The following SCAF1 variants were observed in gnomAD, a reference collection of about 807,000 sequenced individuals.
SCAF1 encodes the protein SR-related CTD associated factor 1.
In SCAF1, 28 loss-of-function variants were observed where a neutral mutation model predicts 91.2. The observed-to-expected ratio is 0.31, with a 90% CI of 0.23 to 0.42. The LOEUF is 0.42. Among genes scored for constraint, SCAF1 ranks in the 10% least tolerant of loss-of-function variants. The pLI, the probability that SCAF1 is intolerant of heterozygous loss-of-function variation, is 1.00. For missense variants in SCAF1, 1,893 were observed against 1,872.1 expected, an observed-to-expected ratio of 1.01 and a Z score of -0.21; for synonymous variants, 1,036 against 833.7, an observed-to-expected ratio of 1.24 and a Z score of -4.18.
rs1022944330 is a variant in SCAF1, at chr19:49,646,215, AG to A, written c.261+18del. The A allele has an allele frequency of 1.8e-5, 24 of 1,334,900 alleles. No homozygotes were observed. Among genetic ancestry groups the A allele is most frequent in the Non-Finnish European group, 2.3e-5 (24 of 1,022,926 alleles). The allele number at this position is 1,334,900 out of a possible 1,614,324, so 82.7% of individuals were successfully genotyped here. On this transcript the variant is annotated intron_variant, in intron 4 of 10. Transcript: ENST00000360565. This position sits in a 1 kb window ranked among gnomAD's most constrained non-coding sequence, Gnocchi z 5.6. ...TGACACGGCTACTGTGAGTAAGAAG[AG>A]GGGGCTGGGGGCCTGGCTCACGGGT...
rs375947171 is a variant in SCAF1 at position 49,652,791 on chromosome 19, C to T, written c.2402C>T (p.Ser801Leu). 14 of 1,613,398 alleles carry T rather than the reference C, an allele frequency of 8.7e-6. No individual in the cohort carries two copies. Among genetic ancestry groups the T allele is most frequent in the East Asian group, 2.2e-5 (1 of 44,876 alleles). ...SSKKARPPKE[S>L]APSSGPPPKP... ...AAGAAGGCCCGGCCCCCCAAGGAGT[C>T]GGCGCCTTCCTCAGGGCCCCCGCCA... Residue 801 changes from serine to leucine, a missense_variant, in exon 7 of 11, where the codon TCG becomes TTG. Physicochemically the swap from Ser to Leu is moderately radical, Grantham distance 145. Transcript: ENST00000360565.
chr19:49,645,274 G>A lies in SCAF1; in HGVS notation c.109-80G>A. The stretch of plus-strand genomic sequence containing the variant: ...CTTGAGTCTAGCTGTCAGTGTCTGG[G>A]ATGTCTGTCTCCCAAGGGGCAGAGG... On this transcript the variant is annotated intron_variant, in intron 2 of 10. Transcript: ENST00000360565. This position sits in a 1 kb window ranked among gnomAD's most constrained non-coding sequence, Gnocchi z 4.6. 1.9e-6 allele frequency: 3 copies of A among 1,547,410 alleles called. No homozygotes were observed. The highest frequency in any genetic ancestry group is 3.4e-5 in the Admixed American group (2 of 58,964).
Position 49,651,310 on chromosome 19 carries a change from C to T in SCAF1, c.921C>T (p.Asp307=), listed in dbSNP as rs914985800. The T allele has an allele frequency of 9.9e-6, 16 of 1,610,766 alleles. No individual in the cohort carries two copies. The highest frequency in any genetic ancestry group is 1.4e-5 in the Non-Finnish European group (16 of 1,179,864). ...AGACCCTGGCGGGCATCTACGATGA[C>T]AACAGCCTGAGCCAGGACTTCCCAG... ...ISETLAGIYD[D]NSLSQDFPGD... The change falls in exon 7 of 11, where the codon GAC becomes GAT. Residue 307 remains aspartate (D), a synonymous_variant. Transcript: ENST00000360565.
rs1457334829 is a variant in SCAF1 at position 49,650,928 on chromosome 19, G to C, written c.539G>C (p.Gly180Ala). ...TCARHLTLGT[G>A]DGGPAPPPAP... ...GCCCGTCACCTCACCTTGGGCACGGGAGACGGGGGCCCTGCCCCACCCCCT... is the reference window on the plus strand; with the variant it reads ...GCCCGTCACCTCACCTTGGGCACGGCAGACGGGGGCCCTGCCCCACCCCCT... The change falls in exon 7 of 11, where the codon GGA (glycine) becomes GCA (alanine). Residue 180 changes from glycine (G) to alanine (A), a missense_variant. Coordinates refer to ENST00000360565, the MANE Select transcript of SCAF1 (RefSeq NM_021228.3). The C allele has an allele frequency of 6.2e-7, 1 of 1,606,512 alleles. No homozygotes were observed. Among genetic ancestry groups the C allele is most frequent in the Non-Finnish European group, 8.5e-7 (1 of 1,176,344 alleles).
At chr19:49,647,780 A>G (rs2081063782) in intron 6 of SCAF1, among the ~76,000 whole-genome samples, 2 of 151,256 alleles carry the variant, frequency 1.3e-5, no homozygotes, top group South Asian at 2.1e-4. Context: ...TACAAGGTGC[A>G]TGCCACCACA....
chr19:49,651,920 G>C lies in SCAF1; in HGVS notation c.1531G>C (p.Ala511Pro). 1 of 1,158,918 alleles carries C rather than the reference G, an allele frequency of 8.6e-7. No individual in the cohort carries two copies. Among genetic ancestry groups the C allele is most frequent in the Non-Finnish European group, 1.1e-6 (1 of 936,568 alleles). The allele number at this position is 1,158,918 out of a possible 1,614,324, so 71.8% of individuals were successfully genotyped here. A position where few individuals can be genotyped will look rare whatever the true frequency, so the allele number is the denominator to read the frequency against. The change falls in exon 7 of 11, where the codon GCT (alanine) becomes CCT (proline). Residue 511 changes from alanine (A) to proline (P), a missense_variant. Ala to Pro is a conservative substitution (Grantham distance 27). Coordinates refer to ENST00000360565, the MANE Select transcript of SCAF1 (RefSeq NM_021228.3). ...GCCCGCGCCCGCCCCGGCCGCCGCTGCTGGTCCGCCCACGCGCAAGAAGTC... is the reference window on the plus strand; with the variant it reads ...GCCCGCGCCCGCCCCGGCCGCCGCTCCTGGTCCGCCCACGCGCAAGAAGTC... ...PAPAPAPAAA[A>P]GPPTRKKSRR...
Position 49,652,023 on chromosome 19 carries a change from C to G in SCAF1, c.1634C>G (p.Ala545Gly). Residue 545 changes from alanine to glycine, a missense_variant, in exon 7 of 11, where the codon GCC (alanine) becomes GGC (glycine). Physicochemically the swap from Ala to Gly is moderately conservative, Grantham distance 60 (BLOSUM62 0). Transcript: ENST00000360565. ...SSSGTQPAPP[A>G]PASPWDSKKH... is the part of the protein sequence containing the mutation. Reference sequence around the variant, plus strand: ...TCGGGCACCCAGCCAGCGCCGCCCGCCCCGGCCTCGCCCTGGGACTCCAAG... The same window carrying G: ...TCGGGCACCCAGCCAGCGCCGCCCGGCCCGGCCTCGCCCTGGGACTCCAAG... 8.2e-7 allele frequency: 1 copy of G among 1,221,242 alleles called. No homozygotes were observed. Among genetic ancestry groups the G allele is most frequent in the Non-Finnish European group, 1.0e-6 (1 of 969,822 alleles). The allele number at this position is 1,221,242 out of a possible 1,614,324, so 75.7% of individuals were successfully genotyped here.
In SCAF1 at chr19:49,651,402, A is replaced by G; in HGVS notation, c.1013A>G (p.Gln338Arg). The G allele has an allele frequency of 6.2e-7, 1 of 1,606,784 alleles. No individual in the cohort carries two copies. Among genetic ancestry groups the G allele is most frequent in the South Asian group, 1.1e-5 (1 of 90,640 alleles). ...QPTPAPGTPP[Q>R]VDSTRADGAM... Reference sequence around the variant, plus strand: ...ACTCCCGCCCCTGGAACGCCGCCCCAGGTGGACTCCACCCGGGCTGATGGA... The same window carrying G: ...ACTCCCGCCCCTGGAACGCCGCCCCGGGTGGACTCCACCCGGGCTGATGGA... Residue 338 changes from glutamine (Q) to arginine (R), a missense_variant, in exon 7 of 11, where the codon CAG (glutamine) becomes CGG (arginine). Transcript: ENST00000360565.
In SCAF1 at chr19:49,645,190, C is replaced by T. The variant is rs549399513; in HGVS notation, c.108+56C>T. ...ATGGAGGAGCTGGGCATCCACACTC[C>T]AGGGGCCTGACTCCAGGGCCTGAGG... On this transcript the variant is annotated intron_variant, in intron 2 of 10. Coordinates refer to ENST00000360565, the MANE Select transcript of SCAF1 (RefSeq NM_021228.3). The surrounding 1 kb of genome is among the most constrained non-coding windows in gnomAD (Gnocchi z 4.6). 1.0e-4 allele frequency: 157 copies of T among 1,554,256 alleles called. 4 individuals carry two copies. The South Asian group carries it at 1.5e-3, about 15-fold the overall frequency.
intron 1 of SCAF1, among the ~76,000 whole-genome samples, chr19:49,644,188 G>C (rs1390578748): frequency 6.6e-6 from 1 of 152,156 alleles, no homozygotes; most frequent in East Asian, 1.9e-4. Context: ...ATTGTCTTAT[G>C]AGTAGCAGAT....
Position 49,658,413 on chromosome 19 carries a change from C to G in SCAF1, c.*14C>G. ...CCCCCTCTCTGAGAGCCCTGGCCAGCTCTTCGCCCCTCACCTCTTTGAAAC... is the reference window on the plus strand; with the variant it reads ...CCCCCTCTCTGAGAGCCCTGGCCAGGTCTTCGCCCCTCACCTCTTTGAAAC... On this transcript the variant is annotated 3_prime_UTR_variant, in exon 11 of 11. Transcript: ENST00000360565. The G allele has an allele frequency of 6.8e-7, 1 of 1,463,718 alleles. No individual in the cohort carries two copies. Among genetic ancestry groups the G allele is most frequent in the Non-Finnish European group, 9.2e-7 (1 of 1,085,072 alleles). The allele number at this position is 1,463,718 out of a possible 1,614,324, so 90.7% of individuals were successfully genotyped here.
chr19:49,642,603 T>G lies in SCAF1; in HGVS notation c.-7+361T>G, dbSNP rs2122441306. 1 of 152,352 alleles carries G rather than the reference T, an allele frequency of 6.6e-6. No individual in the cohort carries two copies. Among genetic ancestry groups the G allele is most frequent in the South Asian group, 2.1e-4 (1 of 4,838 alleles). The allele number at this position is 152,352 out of a possible 1,614,324, so 9.4% of individuals were successfully genotyped here. On this transcript the variant is annotated intron_variant, in intron 1 of 10. Coordinates refer to ENST00000360565, the MANE Select transcript of SCAF1 (RefSeq NM_021228.3). This position sits in a 1 kb window ranked among gnomAD's most constrained non-coding sequence, Gnocchi z 4.0. ...GGGCTGACCGGAGGCTAGGGTCTGGTTAGAGGGTTCTGGGGCCATCTTGAG... is the reference window on the plus strand; with the variant it reads ...GGGCTGACCGGAGGCTAGGGTCTGGGTAGAGGGTTCTGGGGCCATCTTGAG...
chr19:49,645,431 CT>C lies in SCAF1; in HGVS notation c.166+24del. The C allele has an allele frequency of 6.2e-7, 1 of 1,608,388 alleles. No individual in the cohort carries two copies. The highest frequency in any genetic ancestry group is 8.5e-7 in the Non-Finnish European group (1 of 1,177,194). ...ATAAAGGTATGGCGGCTTCCGGTTC[CT>C]TTTAGCCCCTGCCCCCTCTCTGCAT... is the stretch of plus-strand genomic sequence containing the variant. On this transcript the variant is annotated intron_variant, in intron 3 of 10. Coordinates refer to ENST00000360565, the MANE Select transcript of SCAF1 (RefSeq NM_021228.3). The surrounding 1 kb of genome is among the most constrained non-coding windows in gnomAD (Gnocchi z 4.6).
rs1215652607 is a variant in SCAF1, at chr19:49,646,689, G to C, written c.363-26G>C. 3 of 1,613,004 alleles carry C rather than the reference G, an allele frequency of 1.9e-6. No homozygotes were observed. The Admixed American group carries it at 5.0e-5, about 27-fold the overall frequency. ...CGTGAGAGCCAGAAGCACCCCTGAGGCTCACCCACCCCTTCCGCCTTGCAG... is the reference window on the plus strand; with the variant it reads ...CGTGAGAGCCAGAAGCACCCCTGAGCCTCACCCACCCCTTCCGCCTTGCAG... On this transcript the variant is annotated intron_variant, in intron 5 of 10. Coordinates refer to ENST00000360565, the MANE Select transcript of SCAF1 (RefSeq NM_021228.3). This position sits in a 1 kb window ranked among gnomAD's most constrained non-coding sequence, Gnocchi z 5.6.
Position 49,652,406 on chromosome 19 carries a change from A to G in SCAF1, c.2017A>G (p.Thr673Ala). The G allele has an allele frequency of 6.3e-7, 1 of 1,589,710 alleles. No individual in the cohort carries two copies. Among genetic ancestry groups the G allele is most frequent in the East Asian group, 2.3e-5 (1 of 44,036 alleles). The change falls in exon 7 of 11, where the codon ACC (threonine) becomes GCC (alanine). Residue 673 changes from threonine (T) to alanine (A), a missense_variant. Around this residue, in one of 5 missense-constraint regions of SCAF1, gnomAD observed 1,436 missense variants for 1,306.8 expected, o/e 1.10. Transcript: ENST00000360565. Reference protein sequence around the residue: ...PAPAPPPSGSTSCGDRDSRRR... With the variant: ...PAPAPPPSGSASCGDRDSRRR... Reference sequence around the variant, plus strand: ...GCCCGCCCCGCCGCCCTCTGGCTCCACCTCGTGTGGTGACCGCGACAGCCG... The same window carrying G: ...GCCCGCCCCGCCGCCCTCTGGCTCCGCCTCGTGTGGTGACCGCGACAGCCG...
chr19:49,656,093 C>T (rs1048833017), intron 9 of SCAF1, among the ~76,000 whole-genome samples: 3 of 152,272 alleles, frequency 2.0e-5, no homozygotes. Flanking sequence ...GTGTGAGCCG[C>T]AGAGGCGGGG....
At position 49,653,097 on chromosome 19, in the gene SCAF1, A is replaced by T; in HGVS notation, c.2708A>T (p.Lys903Met). ...GSTKPKKTKV[K>M]AKAGAKKTKG... ...ACCAAGCCCAAAAAGACCAAGGTCA[A>T]GGCCAAGGCAGGGGCCAAGAAAACC... The change falls in exon 7 of 11, where the codon AAG becomes ATG. Residue 903 changes from lysine (K) to methionine (M), a missense_variant. Lys to Met is a moderately conservative substitution (Grantham distance 95, BLOSUM62 -1). This residue lies in a region of SCAF1 where 1,436 missense variants were observed against 1,306.8 expected (regional missense o/e 1.10). Coordinates refer to ENST00000360565, the MANE Select transcript of SCAF1 (RefSeq NM_021228.3). 6.2e-7 allele frequency: 1 copy of T among 1,612,766 alleles called. No homozygotes were observed. The highest frequency in any genetic ancestry group is 8.5e-7 in the Non-Finnish European group (1 of 1,179,358).
At position 49,651,303 on chromosome 19, in the gene SCAF1, A is replaced by G; in HGVS notation, c.914A>G (p.Tyr305Cys). The change falls in exon 7 of 11, where the codon TAC (tyrosine) becomes TGC (cysteine). Residue 305 changes from tyrosine (Y) to cysteine (C), a missense_variant. Tyr to Cys is a radical substitution (Grantham distance 194). Transcript: ENST00000360565. ...SRISETLAGI[Y>C]DDNSLSQDFP... Reference sequence around the variant, plus strand: ...ATCTCGGAGACCCTGGCGGGCATCTACGATGACAACAGCCTGAGCCAGGAC... The same window carrying G: ...ATCTCGGAGACCCTGGCGGGCATCTGCGATGACAACAGCCTGAGCCAGGAC... 1 of 1,610,974 alleles carries G rather than the reference A, an allele frequency of 6.2e-7. No individual in the cohort carries two copies. Among genetic ancestry groups the G allele is most frequent in the Non-Finnish European group, 8.5e-7 (1 of 1,179,840 alleles).
chr19:49,656,669 G>A (rs1195435544), intron 9 of SCAF1, among the ~76,000 whole-genome samples: 5 of 152,190 alleles, frequency 3.3e-5, no homozygotes, highest in South Asian at 2.1e-4. Context: ...GGCCACAGGC[G>A]GGAAGAGCCT....
Sources: allele counts gnomAD v4.1 joint callset (sites outside exome capture counted in the v4.1 genomes callset), GRCh38; gene constraint gnomAD v4.1.1; regional missense constraint gnomAD v4.1.1; non-coding constraint Gnocchi (gnomAD v3.1); transcripts MANE v1.5; gene names NCBI Gene and HGNC (gene_info 2026-07-23, HGNC 2026-07-21).